Variants in ABHD16A observed in about 807,000 individuals in gnomAD.
The protein encoded by ABHD16A is phosphatidylserine lipase ABHD16A.
A neutral mutation model predicts 89.8 loss-of-function variants in ABHD16A; 47 were observed. That is an observed-to-expected ratio of 0.52 (90% CI 0.41 to 0.67). The LOEUF is 0.67. Among genes scored for constraint, ABHD16A ranks in the 30% least tolerant of loss-of-function variants. The pLI, the probability that ABHD16A is intolerant of heterozygous loss-of-function variation, is 0.00. For missense variants in ABHD16A, 580 were observed against 734.6 expected (o/e 0.79, Z 2.43); for synonymous variants, 251 against 280.4 (o/e 0.90, Z 1.05).
chr6:31,692,434 TC>T (rs758788053), intron 7 of ABHD16A: 33 of 158,934 alleles, frequency 2.1e-4, no homozygotes, highest in Non-Finnish European at 4.0e-4. Flanking sequence ...AAAAGAAAAT[TC>T]CCAGTGTCTG....
chr6:31,702,960 A>T (rs1805175319), intron 1 of ABHD16A, 190 bp downstream of exon 1: 1 of 1,298,962 alleles, frequency 7.7e-7, no homozygotes, highest in East Asian at 3.0e-5. Flanking sequence ...GTAAAGAGCG[A>T]AAAAGAAAGG....
chr6:31,703,169 G>T lies in ABHD16A; in HGVS notation c.113C>A (p.Ala38Asp). 7.0e-7 allele frequency: 1 copy of T among 1,434,462 alleles called. No individual in the cohort carries two copies. The highest frequency in any genetic ancestry group is 9.2e-7 in the Non-Finnish European group (1 of 1,086,810). 88.9% of individuals were successfully genotyped at this position (1,434,462 alleles called of 1,614,324 possible). A position where few individuals can be genotyped will look rare whatever the true frequency, so the allele number is the denominator to read the frequency against. ...SVPETPTAVT[A>D]PHSSSWDTYY... ...ACTCACCCAGGAGCTGGAATGGGGG[G>T]CAGTGACTGCCGTTGGCGTCTCAGG... is the stretch of plus-strand genomic sequence containing the variant. Residue 38 changes from alanine to aspartate, a missense_variant, in exon 1 of 20, where the codon GCC becomes GAC. Physicochemically the swap from Ala to Asp is moderately radical, Grantham distance 126 (BLOSUM62 -2). This residue lies in a region of ABHD16A where 165 missense variants were observed against 165.8 expected (regional missense o/e 1.00). Transcript: ENST00000395952.
chr6:31,689,801 G>A lies in ABHD16A; in HGVS notation c.958-97C>T, dbSNP rs1583673325. Reference sequence around the variant, plus strand: ...ACCCCTCCTGCAGCCACCTATGACAGGCAGAGAAGGTGTAGAAGGAAGGGA... The same window carrying A: ...ACCCCTCCTGCAGCCACCTATGACAAGCAGAGAAGGTGTAGAAGGAAGGGA... On this transcript the variant is annotated intron_variant, in intron 11 of 19. Coordinates refer to ENST00000395952, the MANE Select transcript of ABHD16A (RefSeq NM_021160.3). The A allele has an allele frequency of 1.5e-5, 22 of 1,495,506 alleles. No individual in the cohort carries two copies. In the Middle Eastern group the frequency reaches 5.9e-4, roughly 40 times the overall value. The allele number at this position is 1,495,506 out of a possible 1,614,324, so 92.6% of individuals were successfully genotyped here.
Position 31,690,072 on chromosome 6 carries a change from T to G in ABHD16A, c.957+6A>C. The G allele has an allele frequency of 6.3e-7, 1 of 1,592,282 alleles. No individual in the cohort carries two copies. Among genetic ancestry groups the G allele is most frequent in the Non-Finnish European group, 8.5e-7 (1 of 1,170,164 alleles). On this transcript the variant is annotated splice_donor_region_variant and intron_variant, in intron 11 of 19. Transcript: ENST00000395952. The surrounding 1 kb of genome is among the most constrained non-coding windows in gnomAD (Gnocchi z 4.1). ...GAAAAGGAAGGGATTCCTGAGATGG[T>G]CTCACCGTGCTTCCAGCAAAGCCTG...
In ABHD16A at chr6:31,698,229, T is replaced by C. The variant is rs1804577719; in HGVS notation, c.344-1196A>G. Among the ~76,000 whole-genome samples the C allele has an allele frequency of 6.6e-6, 1 of 151,404 alleles. No homozygotes were observed. The highest frequency in any genetic ancestry group is 6.6e-5 in the Admixed American group (1 of 15,208). ...CTTAGACTTGAGGAACTGAGGTATA[T>C]GTTTCATAAAAGTATGTGCCAGAAA... On this transcript the variant is annotated intron_variant, in intron 4 of 19. Coordinates refer to ENST00000395952, the MANE Select transcript of ABHD16A (RefSeq NM_021160.3). This position sits in a 1 kb window ranked among gnomAD's most constrained non-coding sequence, Gnocchi z 4.1.
chr6:31,696,895 C>T, intron 5 of ABHD16A, 53 bp downstream of exon 5: 3 of 1,537,058 alleles, frequency 2.0e-6, no homozygotes, highest in Non-Finnish European at 2.7e-6. Flanking sequence ...TGAGGGACAA[C>T]TGAGAAAGCT....
Position 31,693,139 on chromosome 6 carries a change from G to A in ABHD16A, c.514C>T (p.Arg172Ter). ...WEEPSSRKES[R>*]GGPSRRGVAL... ...ACACCCCGGCGGGAAGGGCCCCCTCGAGACTCCTTCCTGAGGAAGGGAAAG... is the reference window on the plus strand; with the variant it reads ...ACACCCCGGCGGGAAGGGCCCCCTCAAGACTCCTTCCTGAGGAAGGGAAAG... The change falls in exon 7 of 20, where the codon CGA becomes TGA. Residue 172 changes from arginine to a stop codon, truncating the protein, a stop_gained. Transcript: ENST00000395952. LOFTEE classifies it high-confidence loss of function. The surrounding 1 kb of genome is among the most constrained non-coding windows in gnomAD (Gnocchi z 5.0). 1 of 1,613,116 alleles carries A rather than the reference G, an allele frequency of 6.2e-7. No homozygotes were observed. Among genetic ancestry groups the A allele is most frequent in the Non-Finnish European group, 8.5e-7 (1 of 1,179,586 alleles).
At chr6:31,691,019 A>G (rs2151229673) in intron 9 of ABHD16A, among the ~76,000 whole-genome samples, 1 of 152,238 alleles carries the variant, frequency 6.6e-6, no homozygotes, top group East Asian at 1.9e-4. Context: ...TGGCGCCCCA[A>G]GCTGAAACCC....
At chr6:31,689,233 C>G in intron 12 of ABHD16A, 114 bp from the exon 13 acceptor site, 1 of 991,862 alleles carries the variant, frequency 1.0e-6, no homozygotes, top group Non-Finnish European at 1.5e-6. Flanking sequence ...CTATGTTATC[C>G]CTTGTTTTTT....
chr6:31,702,407 T>C (rs1391655498), intron 1 of ABHD16A, among the ~76,000 whole-genome samples: 1 of 152,134 alleles, frequency 6.6e-6, no homozygotes, highest in Non-Finnish European at 1.5e-5. Context: ...TAGTTTCAAA[T>C]GGATTGCAGG....
chr6:31,687,842 A>C lies in ABHD16A; in HGVS notation c.1429T>G (p.Ser477Ala). 4 of 1,612,866 alleles carry C rather than the reference A, an allele frequency of 2.5e-6. No homozygotes were observed. The highest frequency in any genetic ancestry group is 3.4e-6 in the Non-Finnish European group (4 of 1,179,976). ...LRVVRQWLEASSQLEEASIYS... is the reference protein window; with the variant it reads ...LRVVRQWLEAASQLEEASIYS... ...TTCTCACCTTCCTCCAGCTGTGAGG[A>C]GGCCTCCAACCACTGCCTCACCACT... Residue 477 changes from serine to alanine, a missense_variant, in exon 17 of 20, where the codon TCC becomes GCC. Ser to Ala is a moderately conservative substitution (Grantham distance 99). Transcript: ENST00000395952. The surrounding 1 kb of genome is among the most constrained non-coding windows in gnomAD (Gnocchi z 6.3).
intron 1 of ABHD16A, chr6:31,702,663 T>A: frequency 6.5e-7 from 1 of 1,539,354 alleles, no homozygotes; most frequent in African/African-American, 1.4e-5. Flanking sequence ...CAGGCTAGGT[T>A]GGGCGGGGGT....
Position 31,687,168 on chromosome 6 carries a change from G to T in ABHD16A, c.*44C>A. ...CACAAATAAGAGGGTCTTTCCTCAT[G>T]TCTCCTCTCACCCCATTCTTCCATA... On this transcript the variant is annotated 3_prime_UTR_variant, in exon 20 of 20. Transcript: ENST00000395952. The surrounding 1 kb of genome is among the most constrained non-coding windows in gnomAD (Gnocchi z 6.3). The T allele has an allele frequency of 6.5e-7, 1 of 1,541,440 alleles. No homozygotes were observed. The highest frequency in any genetic ancestry group is 8.9e-7 in the Non-Finnish European group (1 of 1,118,596).
chr6:31,694,284 T>C (rs919043648), intron 5 of ABHD16A, among the ~76,000 whole-genome samples: 13 of 151,856 alleles, frequency 8.6e-5, no homozygotes, highest in Admixed American at 3.3e-4. Flanking sequence ...CTCCAACTCC[T>C]GGGCTGAAGC....
rs535196826 is a variant in ABHD16A at position 31,698,587 on chromosome 6, G to A, written c.344-1554C>T. Among the ~76,000 whole-genome samples the A allele has an allele frequency of 1.6e-3, 241 of 152,208 alleles. No homozygotes were observed. The highest frequency in any genetic ancestry group is 5.6e-3 in the African/African-American group (231 of 41,526). On this transcript the variant is annotated intron_variant, in intron 4 of 19. Coordinates refer to ENST00000395952, the MANE Select transcript of ABHD16A (RefSeq NM_021160.3). The surrounding 1 kb of genome is among the most constrained non-coding windows in gnomAD (Gnocchi z 4.1). ...TGCAACCTCCGCCTCCCGGGTTCAAGTGATTCTCCTGCCACAGCCTCCCAA... is the reference window on the plus strand; with the variant it reads ...TGCAACCTCCGCCTCCCGGGTTCAAATGATTCTCCTGCCACAGCCTCCCAA...
At chr6:31,702,989 C>G (rs889325540) in intron 1 of ABHD16A, 161 bp downstream of exon 1, 1 of 1,340,490 alleles carries the variant, frequency 7.5e-7, no homozygotes, top group African/African-American at 1.5e-5. Flanking sequence ...AGTCCGTAGG[C>G]GTGACTTTAA....
rs370042016 is a variant in ABHD16A, at chr6:31,690,079, G to C, written c.956C>G (p.Thr319Arg). ...GWNHPGFAGSTGVPFPQNEAN... is the reference protein window; with the variant it reads ...GWNHPGFAGSRGVPFPQNEAN... Reference sequence around the variant, plus strand: ...AAGGGATTCCTGAGATGGTCTCACCGTGCTTCCAGCAAAGCCTGGATGATT... The same window carrying C: ...AAGGGATTCCTGAGATGGTCTCACCCTGCTTCCAGCAAAGCCTGGATGATT... Residue 319 changes from threonine to arginine, a missense_variant and splice_region_variant, in exon 11 of 20, where the codon ACG becomes AGG. By Grantham distance (71) the Thr-to-Arg change is moderately conservative (BLOSUM62 -1). This residue lies in a region of ABHD16A where 415 missense variants were observed against 568.8 expected (regional missense o/e 0.73). Coordinates refer to ENST00000395952, the MANE Select transcript of ABHD16A (RefSeq NM_021160.3). The surrounding 1 kb of genome is among the most constrained non-coding windows in gnomAD (Gnocchi z 4.1). 2 of 1,595,612 alleles carry C rather than the reference G, an allele frequency of 1.3e-6. No individual in the cohort carries two copies. Among genetic ancestry groups the C allele is most frequent in the African/African-American group, 2.7e-5 (2 of 74,182 alleles).
In ABHD16A at chr6:31,693,576, T is replaced by A. The variant is rs1804116298; in HGVS notation, c.430-144A>T. The A allele has an allele frequency of 2.7e-6, 2 of 734,034 alleles. No homozygotes were observed. Among genetic ancestry groups the A allele is most frequent in the Non-Finnish European group, 4.6e-6 (2 of 436,788 alleles). 45.5% of individuals were successfully genotyped at this position (734,034 alleles called of 1,614,324 possible). A position where few individuals can be genotyped will look rare whatever the true frequency, so the allele number is the denominator to read the frequency against. Reference sequence around the variant, plus strand: ...GCGGAGGTCAATACCCTCCCAATTCTCAGATGGAAAATTCTAACAGGACCA... The same window carrying A: ...GCGGAGGTCAATACCCTCCCAATTCACAGATGGAAAATTCTAACAGGACCA... On this transcript the variant is annotated intron_variant, in intron 5 of 19. Transcript: ENST00000395952. This position sits in a 1 kb window ranked among gnomAD's most constrained non-coding sequence, Gnocchi z 5.0.
Position 31,698,947 on chromosome 6 carries a change from G to A in ABHD16A, c.344-1914C>T, listed in dbSNP as rs982014447. Among the ~76,000 whole-genome samples the A allele has an allele frequency of 2.0e-5, 3 of 152,116 alleles. No homozygotes were observed. The highest frequency in any genetic ancestry group is 2.1e-4 in the South Asian group (1 of 4,832). On this transcript the variant is annotated intron_variant, in intron 4 of 19. Coordinates refer to ENST00000395952, the MANE Select transcript of ABHD16A (RefSeq NM_021160.3). This position sits in a 1 kb window ranked among gnomAD's most constrained non-coding sequence, Gnocchi z 4.1. ...TCCTCTTTATTTTTTTAAATTGCGA[G>A]ATACAACATATGTACATAAAACATA...
Sources: gnomAD v4.1 joint callset for allele counts (sites outside exome capture counted in the v4.1 genomes callset) on GRCh38, gnomAD v4.1.1 for gene constraint, gnomAD v4.1.1 regional missense constraint, Gnocchi (gnomAD v3.1) non-coding constraint, MANE v1.5 for transcripts, NCBI Gene and HGNC (gene_info 2026-07-23, HGNC 2026-07-21) for gene names.